The following CACNA1B variants were observed in gnomAD, a reference collection of about 807,000 sequenced individuals.
The protein encoded by CACNA1B is calcium voltage-gated channel subunit alpha1 B.
In CACNA1B, 70 loss-of-function variants were observed where a neutral mutation model predicts 247.2. That is an observed-to-expected ratio of 0.28 (90% CI 0.23 to 0.35). The LOEUF (loss-of-function observed/expected upper bound fraction) is 0.35. CACNA1B is among the 10% of genes least tolerant of loss of function. The probability of loss-of-function intolerance (pLI) is 1.00; values close to 1 mark genes in which losing one functional copy is unlikely to be tolerated. For missense variants in CACNA1B, 2,367 were observed against 3,197.4 expected, an observed-to-expected ratio of 0.74 and a Z score of 6.26; for synonymous variants, 1,231 against 1,294.4, an observed-to-expected ratio of 0.95 and a Z score of 1.05.
intron 36 of CACNA1B, among the ~76,000 whole-genome samples, chr9:138,081,823 A>G (rs568116490): frequency 1.3e-5 from 2 of 151,156 alleles, no homozygotes; most frequent in Non-Finnish European, 2.9e-5. Flanking sequence ...TGAATTAAGT[A>G]GAAAATATGA....
In CACNA1B at chr9:138,058,335, C is replaced by A; in HGVS notation, c.4308+85C>A. 8.1e-7 allele frequency: 1 copy of A among 1,239,028 alleles called. No individual in the cohort carries two copies. The highest frequency in any genetic ancestry group is 1.2e-6 in the Non-Finnish European group (1 of 853,404). 76.8% of individuals were successfully genotyped at this position (1,239,028 alleles called of 1,614,324 possible). The stretch of plus-strand genomic sequence containing the variant: ...CCTCCTGCACACAAATCACTCACAG[C>A]TGGGTCAGCTTTGGCTGCCACCGTC... On this transcript the variant is annotated intron_variant, in intron 28 of 46. Transcript: ENST00000371372. The surrounding 1 kb of genome is among the most constrained non-coding windows in gnomAD (Gnocchi z 4.7).
chr9:137,986,902 C>G lies in CACNA1B; in HGVS notation c.1974+48C>G. 1 of 1,407,042 alleles carries G rather than the reference C, an allele frequency of 7.1e-7. No homozygotes were observed. The allele number at this position is 1,407,042 out of a possible 1,614,324, so 87.2% of individuals were successfully genotyped here. A position where few individuals can be genotyped will look rare whatever the true frequency, so the allele number is the denominator to read the frequency against. Reference sequence around the variant, plus strand: ...TTGCGGCCTGCCCGGCTCCCGTCTCCCCTGGGTGCTGGGAAGGCGGACTCT... The same window carrying G: ...TTGCGGCCTGCCCGGCTCCCGTCTCGCCTGGGTGCTGGGAAGGCGGACTCT... On this transcript the variant is annotated intron_variant, in intron 15 of 46. Coordinates refer to ENST00000371372, the MANE Select transcript of CACNA1B (RefSeq NM_000718.4). The surrounding 1 kb of genome is among the most constrained non-coding windows in gnomAD (Gnocchi z 6.0).
At chr9:137,907,605 A>G (rs1462162809) in intron 3 of CACNA1B, among the ~76,000 whole-genome samples, 1 of 151,804 alleles carries the variant, frequency 6.6e-6, no homozygotes, top group Non-Finnish European at 1.5e-5. Flanking sequence ...TAATTTGTTG[A>G]TTTTTCTGAT....
chr9:138,005,573 A>G (rs185658552), intron 15 of CACNA1B, among the ~76,000 whole-genome samples: 57 of 152,304 alleles, frequency 3.7e-4, no homozygotes, highest in African/African-American at 1.3e-3. Flanking sequence ...ACTAACAACA[A>G]TATATTGTCT....
At chr9:138,077,635 G>T (rs1282248606) in intron 35 of CACNA1B, among the ~76,000 whole-genome samples, 2 of 152,136 alleles carry the variant, frequency 1.3e-5, no homozygotes, top group African/African-American at 4.8e-5. Flanking sequence ...GCAGGTCATG[G>T]TCGCTTGGCC....
intron 6 of CACNA1B, among the ~76,000 whole-genome samples, chr9:137,920,749 C>T (rs907144074): frequency 6.6e-6 from 1 of 152,196 alleles, no homozygotes; most frequent in Non-Finnish European, 1.5e-5. Context: ...TGAAAGTGTT[C>T]AGATCCATAG....
intron 5 of CACNA1B, among the ~76,000 whole-genome samples, chr9:137,916,362 C>T (rs1957411518): frequency 1.3e-5 from 2 of 152,042 alleles, no homozygotes; most frequent in Non-Finnish European, 2.9e-5. Flanking sequence ...TTTTTTCGGC[C>T]TTTCATTGAG....
chr9:138,015,452 C>T (rs1269110864), intron 18 of CACNA1B, among the ~76,000 whole-genome samples: 4 of 151,924 alleles, frequency 2.6e-5, no homozygotes, highest in South Asian at 2.1e-4. Context: ...CATCTGTCCT[C>T]GTCTGCTTCC....
rs760107114 is a variant in CACNA1B, at chr9:138,123,860, C to G, written c.*1861C>G. The G allele has an allele frequency of 6.6e-6, 1 of 152,074 alleles. No individual in the cohort carries two copies. Among genetic ancestry groups the G allele is most frequent in the Non-Finnish European group, 1.5e-5 (1 of 68,008 alleles). 9.4% of individuals were successfully genotyped at this position (152,074 alleles called of 1,614,324 possible). The stretch of plus-strand genomic sequence containing the variant: ...GGACTGTGCATGTGATCACTGTGCT[C>G]CTGTTGCAAAGTAGAAGGATGTGTA... On this transcript the variant is annotated 3_prime_UTR_variant, in exon 47 of 47. Transcript: ENST00000371372.
At chr9:138,064,256 G>C (rs776677273) in intron 31 of CACNA1B, among the ~76,000 whole-genome samples, 6 of 152,128 alleles carry the variant, frequency 3.9e-5, no homozygotes, top group Admixed American at 2.0e-4. Flanking sequence ...AATGGTTGCT[G>C]TCTGGATCCA....
chr9:138,059,611 C>A lies in CACNA1B; in HGVS notation c.4585-43C>A. Reference sequence around the variant, plus strand: ...TATATATACCTCTTTGCCAACAGAGCCCTCATCAGCCGCTGGCACTAACTG... The same window carrying A: ...TATATATACCTCTTTGCCAACAGAGACCTCATCAGCCGCTGGCACTAACTG... On this transcript the variant is annotated intron_variant, in intron 30 of 46. Transcript: ENST00000371372. The surrounding 1 kb of genome is among the most constrained non-coding windows in gnomAD (Gnocchi z 4.2). The A allele has an allele frequency of 8.9e-7, 1 of 1,120,754 alleles. No homozygotes were observed. The highest frequency in any genetic ancestry group is 1.4e-6 in the Non-Finnish European group (1 of 730,460). 69.4% of individuals were successfully genotyped at this position (1,120,754 alleles called of 1,614,324 possible). A position where few individuals can be genotyped will look rare whatever the true frequency, so the allele number is the denominator to read the frequency against.
intron 20 of CACNA1B, among the ~76,000 whole-genome samples, chr9:138,031,402 AGTTT>A (rs1255789103): frequency 2.0e-5 from 3 of 151,984 alleles, no homozygotes; most frequent in Non-Finnish European, 4.4e-5. Flanking sequence ...AGTTCTTTTA[AGTTT>A]GTTAAGGTTC....
In CACNA1B at chr9:138,014,102, C is replaced by T. The variant is rs567508123; in HGVS notation, c.2267+867C>T. Among the ~76,000 whole-genome samples the T allele has an allele frequency of 2.6e-5, 4 of 152,350 alleles. No homozygotes were observed. The highest frequency in any genetic ancestry group is 4.8e-5 in the African/African-American group (2 of 41,586). On this transcript the variant is annotated intron_variant, in intron 18 of 46. Coordinates refer to ENST00000371372, the MANE Select transcript of CACNA1B (RefSeq NM_000718.4). This position sits in a 1 kb window ranked among gnomAD's most constrained non-coding sequence, Gnocchi z 6.2. Reference sequence around the variant, plus strand: ...GCAGCCACAGGTGCATCTGTAGTGACGTGTGTCTGCACTTCTGTGTAAGCA... The same window carrying T: ...GCAGCCACAGGTGCATCTGTAGTGATGTGTGTCTGCACTTCTGTGTAAGCA...
At chr9:138,077,847 G>A (rs1321613684) in intron 35 of CACNA1B, among the ~76,000 whole-genome samples, 1 of 152,270 alleles carries the variant, frequency 6.6e-6, no homozygotes, top group Admixed American at 6.5e-5. Context: ...GGGGCCTGTG[G>A]TGTCCACAAA....
At chr9:137,965,608 T>C (rs1186723041) in intron 10 of CACNA1B, among the ~76,000 whole-genome samples, 1 of 151,948 alleles carries the variant, frequency 6.6e-6, no homozygotes, top group Non-Finnish European at 1.5e-5. Context: ...TTTATTTATT[T>C]ATTTATTTAA....
chr9:138,066,794 G>C (rs116798261), intron 31 of CACNA1B, among the ~76,000 whole-genome samples: 2 of 151,936 alleles, frequency 1.3e-5, no homozygotes, highest in Non-Finnish European at 2.9e-5. Context: ...AAAAGAAAAC[G>C]GTGTAAAAAT....
intron 15 of CACNA1B, among the ~76,000 whole-genome samples, chr9:137,999,146 G>A (rs768991077): frequency 3.3e-5 from 5 of 152,016 alleles, no homozygotes; most frequent in Non-Finnish European, 5.9e-5. Context: ...GCGAGACCCC[G>A]TATCTACTGA....
At chr9:137,895,614 G>A (rs1279798376) in intron 3 of CACNA1B, among the ~76,000 whole-genome samples, 1 of 152,140 alleles carries the variant, frequency 6.6e-6, no homozygotes, top group Non-Finnish European at 1.5e-5. Flanking sequence ...ATTATAGATG[G>A]TATTGCATTT....
intron 19 of CACNA1B, among the ~76,000 whole-genome samples, chr9:138,024,105 AGG>A (rs1026890025): frequency 6.6e-6 from 1 of 152,206 alleles, no homozygotes; most frequent in African/African-American, 2.4e-5. Context: ...GGAGGGCTTA[AGG>A]GGGAATTGTT....
Sources: gnomAD v4.1 joint callset for allele counts (sites outside exome capture counted in the v4.1 genomes callset) on GRCh38, gnomAD v4.1.1 for gene constraint, Gnocchi (gnomAD v3.1) non-coding constraint, MANE v1.5 for transcripts, NCBI Gene and HGNC (gene_info 2026-07-23, HGNC 2026-07-21) for gene names.